Variants in NCOR1 observed in about 807,000 individuals in gnomAD.
NCOR1 encodes nuclear receptor corepressor 1.
A neutral mutation model predicts 288.1 loss-of-function variants in NCOR1; 63 were observed. That is an observed-to-expected ratio of 0.22 (90% CI 0.18 to 0.27). NCOR1 has a LOEUF of 0.27. NCOR1 is among the 10% of genes least tolerant of loss of function. The probability of loss-of-function intolerance (pLI) is 1.00; values close to 1 mark genes in which losing one functional copy is unlikely to be tolerated. For missense variants in NCOR1, 2,397 were observed against 3,019.2 expected, an observed-to-expected ratio of 0.79 and a Z score of 4.83; for synonymous variants, 1,007 against 1,065.9, an observed-to-expected ratio of 0.94 and a Z score of 1.08.
chr17:16,072,042 G>C, intron 29 of NCOR1, 103 bp downstream of exon 29: 1 of 901,094 alleles, frequency 1.1e-6, no homozygotes, highest in Middle Eastern at 2.3e-4. Context: ...TATTTCAAAA[G>C]GGAAAATAAC....
At chr17:16,111,640 A>G (rs963649077) in intron 18 of NCOR1, among the ~76,000 whole-genome samples, 10 of 148,140 alleles carry the variant, frequency 6.8e-5, no homozygotes, top group Non-Finnish European at 1.2e-4. Flanking sequence ...TTAAAAAAAA[A>G]AAGAAGACAT....
rs2069607175 is a variant in NCOR1 at position 16,109,759 on chromosome 17, G to A, written c.2056-847C>T. Among the ~76,000 whole-genome samples, 4 of 95,244 alleles carry A rather than the reference G, an allele frequency of 4.2e-5. 1 individual carries two copies. The South Asian group carries it at 8.6e-4, about 21-fold the overall frequency. 62.5% of individuals were successfully genotyped at this position (95,244 alleles called of 152,430 possible). ...CAATTTATTTTTCTTTTTTGAGACAGAATCTTGCTCTGTCACCCAGGCTGG... is the reference window on the plus strand; with the variant it reads ...CAATTTATTTTTCTTTTTTGAGACAAAATCTTGCTCTGTCACCCAGGCTGG... On this transcript the variant is annotated intron_variant, in intron 18 of 45. Coordinates refer to ENST00000268712, the MANE Select transcript of NCOR1 (RefSeq NM_006311.4).
intron 1 of NCOR1, among the ~76,000 whole-genome samples, chr17:16,197,352 T>TG: frequency 6.6e-6 from 1 of 151,564 alleles, no homozygotes; most frequent in African/African-American, 2.4e-5. Flanking sequence ...AAAAACTATG[T>TG]GGTACCATGT....
At chr17:16,086,796 G>A (rs903139369) in intron 22 of NCOR1, among the ~76,000 whole-genome samples, 1 of 152,174 alleles carries the variant, frequency 6.6e-6, no homozygotes, top group African/African-American at 2.4e-5. Context: ...CTACTTCAGA[G>A]AATGCGCAGA....
chr17:16,145,671 G>A (rs1424409065), intron 10 of NCOR1, among the ~76,000 whole-genome samples: 1 of 152,092 alleles, frequency 6.6e-6, no homozygotes, highest in East Asian at 1.9e-4. Flanking sequence ...CTTCCGGGAG[G>A]TGGGGGGCAG....
chr17:16,040,309 A>G, intron 43 of NCOR1, 132 bp downstream of exon 43: 1 of 794,640 alleles, frequency 1.3e-6, no homozygotes, highest in Non-Finnish European at 2.2e-6. Context: ...TTCCTTCACT[A>G]AATTATTTAT....
intron 11 of NCOR1, 100 bp from the exon 12 acceptor site, chr17:16,139,286 G>T: frequency 1.1e-6 from 1 of 903,088 alleles, no homozygotes; most frequent in Non-Finnish European, 1.7e-6. Context: ...AACCATGTAT[G>T]CAGTTTAATA....
chr17:16,044,872 C>G, intron 42 of NCOR1: 1 of 775,396 alleles, frequency 1.3e-6, no homozygotes, highest in Non-Finnish European at 2.2e-6. Context: ...CACTCCACTG[C>G]TGCTGCTCCA....
At chr17:16,074,834 T>C (rs905483064) in intron 27 of NCOR1, among the ~76,000 whole-genome samples, 2 of 152,224 alleles carry the variant, frequency 1.3e-5, no homozygotes, top group East Asian at 3.9e-4. Context: ...TTTAATATTA[T>C]CAAGATTATC....
intron 5 of NCOR1, among the ~76,000 whole-genome samples, chr17:16,164,500 C>A (rs2081592640): frequency 6.6e-6 from 1 of 152,092 alleles, no homozygotes; most frequent in South Asian, 2.1e-4. Flanking sequence ...ACAGAGAAGA[C>A]TATTTCATAT....
At chr17:16,207,002 A>T (rs2091587656) in intron 1 of NCOR1, among the ~76,000 whole-genome samples, 1 of 152,170 alleles carries the variant, frequency 6.6e-6, no homozygotes, top group East Asian at 1.9e-4. Flanking sequence ...TTTTGTGTGA[A>T]TATAAAGTAA....
chr17:16,035,993 A>G (rs1323553965), intron 44 of NCOR1, among the ~76,000 whole-genome samples: 1 of 152,210 alleles, frequency 6.6e-6, no homozygotes, highest in Non-Finnish European at 1.5e-5. Context: ...AATGTCGTTA[A>G]TAGCATCTAA....
chr17:16,129,648 G>C (rs1301541835), intron 14 of NCOR1, among the ~76,000 whole-genome samples: 1 of 152,128 alleles, frequency 6.6e-6, no homozygotes, highest in African/African-American at 2.4e-5. Context: ...ACCTAACCCT[G>C]TAACCAATGT....
chr17:16,171,678 C>T, intron 4 of NCOR1, 125 bp downstream of exon 4: 1 of 870,682 alleles, frequency 1.1e-6, no homozygotes, highest in Non-Finnish European at 1.6e-6. Flanking sequence ...AAAATTTTTA[C>T]TTTCCCATAC....
chr17:16,171,659 T>C, intron 4 of NCOR1, 144 bp downstream of exon 4: 1 of 667,320 alleles, frequency 1.5e-6, no homozygotes, highest in Non-Finnish European at 2.2e-6. Flanking sequence ...GTTTCTAGTT[T>C]TGTTTAACAA....
At chr17:16,080,385 T>C (rs1405309903) in intron 25 of NCOR1, 23 bp downstream of exon 25, 1 of 1,572,084 alleles carries the variant, frequency 6.4e-7, no homozygotes, top group East Asian at 2.3e-5. Flanking sequence ...AGTTTAACAT[T>C]TCTGCCAACC....
At chr17:16,104,640 C>T (rs1005167419) in intron 19 of NCOR1, among the ~76,000 whole-genome samples, 2 of 152,076 alleles carry the variant, frequency 1.3e-5, no homozygotes, top group Non-Finnish European at 2.9e-5. Context: ...GTCATGGTGG[C>T]GTACACCAGT....
chr17:16,040,103 A>C (rs920742821), intron 43 of NCOR1: 1 of 490,156 alleles, frequency 2.0e-6, no homozygotes, highest in African/African-American at 1.9e-5. Flanking sequence ...AGACCATCTT[A>C]ATCCACAGAT....
rs76282446 is a variant in NCOR1 at position 16,134,260 on chromosome 17, G to A, written c.1509+3051C>T. Among the ~76,000 whole-genome samples, 981 of 152,284 alleles carry A rather than the reference G, an allele frequency of 6.4e-3. 14 individuals carry two copies. The highest frequency in any genetic ancestry group is 0.023 in the African/African-American group (948 of 41,548). On this transcript the variant is annotated intron_variant, in intron 14 of 45. Coordinates refer to ENST00000268712, the MANE Select transcript of NCOR1 (RefSeq NM_006311.4). ...ATTAAGAAACAATGGTAAATCTGGTGGCATGAGATGATGGTCTAAATTCAT... is the reference window on the plus strand; with the variant it reads ...ATTAAGAAACAATGGTAAATCTGGTAGCATGAGATGATGGTCTAAATTCAT...
Sources: allele counts gnomAD v4.1 joint callset (sites outside exome capture counted in the v4.1 genomes callset), GRCh38; gene constraint gnomAD v4.1.1; transcripts MANE v1.5; gene names NCBI Gene and HGNC (gene_info 2026-07-23, HGNC 2026-07-21).